QTMAN: variants seen among roughly 807,000 people sequenced by gnomAD.
The protein encoded by QTMAN is queuosine-tRNA mannosyltransferase.
At chr2:143,984,533 A>G in the QTMAN span, among the ~76,000 whole-genome samples, 2 of 152,220 alleles carry the variant, frequency 1.3e-5, no homozygotes, top group Non-Finnish European at 2.9e-5. Context: ...GCAGGGAAAT[A>G]CTGGGTAGAA....
At chr2:144,133,387 T>TTATATAAATATA in the QTMAN span, among the ~76,000 whole-genome samples, 1 of 39,078 alleles carries the variant, frequency 2.6e-5, no homozygotes, top group Non-Finnish European at 5.0e-5. Flanking sequence ...AATAATATAA[T>TTATATAAATATA]ATATATTATA....
the QTMAN span, among the ~76,000 whole-genome samples, chr2:144,263,135 T>TTTCAGGA: frequency 6.6e-6 from 1 of 151,908 alleles, no homozygotes; most frequent in Admixed American, 6.6e-5. Context: ...CACAGCAAGT[T>TTTCAGGA]TTCAGGATAT....
chr2:144,130,269 A>T, the QTMAN span, among the ~76,000 whole-genome samples: 1 of 151,968 alleles, frequency 6.6e-6, no homozygotes, highest in South Asian at 2.1e-4. Flanking sequence ...TATTAGGCCA[A>T]AAGTGCAGAA....
the QTMAN span, among the ~76,000 whole-genome samples, chr2:144,130,015 T>C: frequency 1.3e-5 from 2 of 150,836 alleles, no homozygotes; most frequent in East Asian, 3.9e-4. Flanking sequence ...AAAAATAACA[T>C]AGTAGGAAGG....
At chr2:144,325,139 T>A in the QTMAN span, among the ~76,000 whole-genome samples, 1 of 152,218 alleles carries the variant, frequency 6.6e-6, no homozygotes, top group East Asian at 1.9e-4. Context: ...AGAGAAGGAA[T>A]CACGGTTCAT....
the QTMAN span, among the ~76,000 whole-genome samples, chr2:144,027,463 G>C: frequency 6.6e-6 from 1 of 152,158 alleles, no homozygotes; most frequent in Non-Finnish European, 1.5e-5. Context: ...CTTGTCAGAT[G>C]AAGCAAAACC....
At chr2:144,130,855 C>A in the QTMAN span, among the ~76,000 whole-genome samples, 5 of 151,854 alleles carry the variant, frequency 3.3e-5, no homozygotes, top group Non-Finnish European at 5.9e-5. Flanking sequence ...ACCACACTGT[C>A]TTATCAACAT....
the QTMAN span, among the ~76,000 whole-genome samples, chr2:144,112,725 C>T: frequency 4.3e-4 from 65 of 152,326 alleles, no homozygotes; most frequent in Non-Finnish European, 7.4e-5. Flanking sequence ...AAAGAAGGCA[C>T]AGACTGAGAA....
chr2:144,012,025 T>C, the QTMAN span, among the ~76,000 whole-genome samples: 1 of 152,122 alleles, frequency 6.6e-6, no homozygotes. Context: ...ACTTTAGAAA[T>C]ATTCGGATTG....
the QTMAN span, among the ~76,000 whole-genome samples, chr2:144,107,360 C>G: frequency 6.6e-6 from 1 of 151,692 alleles, no homozygotes; most frequent in Non-Finnish European, 1.5e-5. Flanking sequence ...ATACTGCTAG[C>G]AAGACTAATA....
chr2:144,266,612 G>A, the QTMAN span, among the ~76,000 whole-genome samples: 2 of 152,162 alleles, frequency 1.3e-5, no homozygotes, highest in African/African-American at 4.8e-5. Context: ...TGAATTAAAG[G>A]AGGACTGGAA....
At chr2:144,302,630 C>A in the QTMAN span, among the ~76,000 whole-genome samples, 1 of 152,192 alleles carries the variant, frequency 6.6e-6, no homozygotes, top group Non-Finnish European at 1.5e-5. Context: ...TAGGTATTTA[C>A]AGAACATCAA....
chr2:144,244,162 A>C, the QTMAN span, among the ~76,000 whole-genome samples: 1 of 152,236 alleles, frequency 6.6e-6, no homozygotes, highest in Non-Finnish European at 1.5e-5. Flanking sequence ...CAGGGTTCCC[A>C]TCAAAATGTC....
chr2:144,289,074 C>T, the QTMAN span, among the ~76,000 whole-genome samples: 49 of 146,300 alleles, frequency 3.3e-4, no homozygotes, highest in African/African-American at 1.2e-3. Flanking sequence ...CGCTCTGTCG[C>T]CCAGTCTGGA....
chr2:144,270,319 G>A, the QTMAN span, among the ~76,000 whole-genome samples: 1 of 152,248 alleles, frequency 6.6e-6, no homozygotes, highest in African/African-American at 2.4e-5. Flanking sequence ...ATACCCAATG[G>A]ATTTGAAATC....
chr2:144,310,014 GAAAAAGGTCAT>G, the QTMAN span, among the ~76,000 whole-genome samples: 3 of 139,192 alleles, frequency 2.2e-5, no homozygotes, highest in Non-Finnish European at 4.6e-5. Context: ...CATTCTGAAA[GAAAAAGGTCAT>G]AAAAAGTAAA....
the QTMAN span, among the ~76,000 whole-genome samples, chr2:144,033,711 C>T: frequency 2.0e-5 from 3 of 152,148 alleles, no homozygotes; most frequent in Non-Finnish European, 1.5e-5. Context: ...GTTGGTCCCT[C>T]GGTCAACCAG....
At chr2:144,233,783 C>T in the QTMAN span, among the ~76,000 whole-genome samples, 2 of 151,904 alleles carry the variant, frequency 1.3e-5, no homozygotes, top group Non-Finnish European at 1.5e-5. Flanking sequence ...AAAGTTATGC[C>T]GAAGAATGCA....
chr2:144,132,093 C>T, the QTMAN span, among the ~76,000 whole-genome samples: 3 of 151,764 alleles, frequency 2.0e-5, no homozygotes, highest in African/African-American at 7.3e-5. Context: ...ATTATTTCTA[C>T]AAAGATCTTA....
Sources: gnomAD v4.1 joint callset for allele counts (sites outside exome capture counted in the v4.1 genomes callset) on GRCh38, gnomAD v4.1.1 for gene constraint, MANE v1.5 for transcripts, NCBI Gene and HGNC (gene_info 2026-07-23, HGNC 2026-07-21) for gene names.